PGBD5: variants seen among roughly 807,000 people sequenced by gnomAD.
PGBD5 encodes piggyBac transposable element derived 5, also known as piggyBac transposable element-derived protein 5.
PGBD5 carries 14 observed loss-of-function variants against 47.9 expected under a neutral mutation model. The observed-to-expected ratio is 0.29, with a 90% CI of 0.19 to 0.46. The LOEUF (loss-of-function observed/expected upper bound fraction) is 0.46, where lower values mean the gene tolerates loss of function less well. Ranked by LOEUF, PGBD5 falls within the 20% of genes least tolerant of loss-of-function variation. PGBD5 has a pLI of 1.00. For synonymous variants in PGBD5, 316 were observed against 306.3 expected, an observed-to-expected ratio of 1.03 and a Z score of -0.33; for missense variants, 635 against 716.0, an observed-to-expected ratio of 0.89 and a Z score of 1.29.
At chr1:230,387,804 T>A (rs566276562) in intron 1 of PGBD5, among the ~76,000 whole-genome samples, 6 of 152,260 alleles carry the variant, frequency 3.9e-5, no homozygotes, top group African/African-American at 1.4e-4. Flanking sequence ...GCTCCTAGGC[T>A]CGGGCCTGCA....
At chr1:230,353,119 T>C (rs1667584005) in intron 2 of PGBD5, among the ~76,000 whole-genome samples, 1 of 152,230 alleles carries the variant, frequency 6.6e-6, no homozygotes, top group Non-Finnish European at 1.5e-5. Flanking sequence ...GAATATGTCA[T>C]TACTAAATGC....
intron 1 of PGBD5, among the ~76,000 whole-genome samples, chr1:230,402,307 G>T (rs766080770): frequency 2.7e-4 from 41 of 152,304 alleles, no homozygotes; most frequent in Non-Finnish European, 5.3e-4. Flanking sequence ...AAGTCCACGT[G>T]GCCTAACGCC....
At chr1:230,406,311 C>CAA (rs67577027) in intron 1 of PGBD5, among the ~76,000 whole-genome samples, 653 of 51,962 alleles carry the variant, frequency 0.013, 9 homozygotes, top group Non-Finnish European at 0.015. Flanking sequence ...GACTCCGTCT[C>CAA]AAAAAAAAAA....
intron 1 of PGBD5, among the ~76,000 whole-genome samples, chr1:230,370,364 G>A (rs828438): frequency 0.71 from 108,655 of 152,030 alleles, 39,249 homozygotes; most frequent in Non-Finnish European, 0.74. Flanking sequence ...CCTTTCTCAA[G>A]GTCACGCTTC....
chr1:230,358,025 C>T (rs1667683734), intron 1 of PGBD5, among the ~76,000 whole-genome samples: 1 of 151,834 alleles, frequency 6.6e-6, no homozygotes, highest in South Asian at 2.1e-4. Context: ...CACATACATA[C>T]ATTTAAAAAT....
intron 1 of PGBD5, among the ~76,000 whole-genome samples, chr1:230,424,818 T>G (rs1431872229): frequency 6.6e-6 from 1 of 152,166 alleles, no homozygotes; most frequent in Non-Finnish European, 1.5e-5. Context: ...GAAGTGGTGA[T>G]ATTTCAACAG....
At chr1:230,415,141 A>C (rs1319710393) in intron 1 of PGBD5, among the ~76,000 whole-genome samples, 1 of 152,092 alleles carries the variant, frequency 6.6e-6, no homozygotes, top group Non-Finnish European at 1.5e-5. Context: ...GGTGGCGCCT[A>C]TCTGTAGTCT....
intron 1 of PGBD5, among the ~76,000 whole-genome samples, chr1:230,404,983 T>G (rs922967261): frequency 2.0e-5 from 3 of 150,796 alleles, no homozygotes; most frequent in African/African-American, 7.3e-5. Context: ...TCAAGTTTTT[T>G]TTTTTTTTTT....
At chr1:230,325,195 G>T in intron 6 of PGBD5, 115 bp downstream of exon 6, 2 of 799,538 alleles carry the variant, frequency 2.5e-6, no homozygotes, top group Non-Finnish European at 4.1e-6. Flanking sequence ...ACCTCCCAGG[G>T]TCTTCATCCT....
intron 1 of PGBD5, among the ~76,000 whole-genome samples, chr1:230,412,031 T>A (rs1348391743): frequency 6.6e-6 from 1 of 152,180 alleles, no homozygotes; most frequent in African/African-American, 2.4e-5. Context: ...CATGTACATG[T>A]ATGCAAAAAT....
chr1:230,424,925 C>T (rs944728542), intron 1 of PGBD5, among the ~76,000 whole-genome samples: 2 of 152,202 alleles, frequency 1.3e-5, no homozygotes, highest in African/African-American at 4.8e-5. Context: ...TTGTCTGTGG[C>T]CACAGTGGTA....
chr1:230,402,324 C>A (rs1657156343), intron 1 of PGBD5, among the ~76,000 whole-genome samples: 1 of 152,326 alleles, frequency 6.6e-6, no homozygotes, highest in Non-Finnish European at 1.5e-5. Context: ...CGCCTCTCCT[C>A]GCTGCCCTCG....
At chr1:230,368,571 G>A (rs1282318630) in intron 1 of PGBD5, among the ~76,000 whole-genome samples, 1 of 152,238 alleles carries the variant, frequency 6.6e-6, no homozygotes, top group Non-Finnish European at 1.5e-5. Context: ...ATGAAATGAC[G>A]CAGGGGGATG....
intron 1 of PGBD5, among the ~76,000 whole-genome samples, chr1:230,399,648 C>T (rs1657085780): frequency 1.3e-5 from 2 of 152,230 alleles, no homozygotes; most frequent in South Asian, 2.1e-4. Context: ...CCACCGTCAC[C>T]AGTCGTGACC....
chr1:230,380,914 G>A (rs1292651039), intron 1 of PGBD5, among the ~76,000 whole-genome samples: 1 of 152,236 alleles, frequency 6.6e-6, no homozygotes, highest in Non-Finnish European at 1.5e-5. Flanking sequence ...AAACGGTAAA[G>A]GGAAGAGTCA....
At chr1:230,328,220 T>C (rs114560897) in intron 5 of PGBD5, among the ~76,000 whole-genome samples, 1,946 of 152,330 alleles carry the variant, frequency 0.013, 46 homozygotes, top group African/African-American at 0.044. Flanking sequence ...TGTCCCAATC[T>C]ACCTCACCAC....
chr1:230,353,971 C>T (rs996527455), intron 2 of PGBD5, among the ~76,000 whole-genome samples: 1 of 152,288 alleles, frequency 6.6e-6, no homozygotes, highest in South Asian at 2.1e-4. Flanking sequence ...CAGGGCGGGC[C>T]GATGCTGGCA....
At chr1:230,332,589 C>A (rs1353577252) in intron 5 of PGBD5, among the ~76,000 whole-genome samples, 1 of 152,208 alleles carries the variant, frequency 6.6e-6, no homozygotes, top group Non-Finnish European at 1.5e-5. Flanking sequence ...CTTGAGCCAC[C>A]TGCAAACCCC....
intron 1 of PGBD5, among the ~76,000 whole-genome samples, chr1:230,376,131 T>C (rs1668010581): frequency 1.3e-5 from 2 of 152,030 alleles, no homozygotes; most frequent in African/African-American, 2.4e-5. Flanking sequence ...GTGTCCAAGG[T>C]GGGATGCGTG....
Sources: allele counts gnomAD v4.1 joint callset (sites outside exome capture counted in the v4.1 genomes callset), GRCh38; gene constraint gnomAD v4.1.1; transcripts MANE v1.5; gene names NCBI Gene and HGNC (gene_info 2026-07-23, HGNC 2026-07-21).